The following MLIP variants were observed in gnomAD, a reference collection of about 807,000 sequenced individuals.
MLIP encodes the protein muscular LMNA interacting protein, also known as muscular LMNA-interacting protein.
Under a neutral mutation model 84.8 loss-of-function variants are expected in MLIP, and 79 were observed. The ratio of observed to expected loss-of-function variants is 0.93; its 90% CI spans 0.78 to 1.12. The LOEUF (loss-of-function observed/expected upper bound fraction) is 1.12, where lower values mean the gene tolerates loss of function less well. MLIP is among the 50% of genes most tolerant of loss of function. The pLI, the probability that MLIP is intolerant of heterozygous loss-of-function variation, is 0.00. For missense variants in MLIP, 1,257 were observed against 1,160.6 expected, an observed-to-expected ratio of 1.08 and a Z score of -1.21; for synonymous variants, 504 against 463.0, an observed-to-expected ratio of 1.09 and a Z score of -1.14.
chr6:54,113,857 T>C (rs539840852), intron 1 of MLIP, among the ~76,000 whole-genome samples: 79 of 152,182 alleles, frequency 5.2e-4, no homozygotes, highest in Non-Finnish European at 8.5e-4. Context: ...TCCTTACCTA[T>C]ACAAACTGAA....
chr6:54,102,625 G>C (rs1279838347), intron 1 of MLIP, among the ~76,000 whole-genome samples: 1 of 152,136 alleles, frequency 6.6e-6, no homozygotes, highest in African/African-American at 2.4e-5. Context: ...TTTTGTGACA[G>C]ATCCTGAAAT....
chr6:54,174,488 T>C (rs1776086568), intron 9 of MLIP, among the ~76,000 whole-genome samples: 2 of 152,076 alleles, frequency 1.3e-5, no homozygotes, highest in Admixed American at 1.3e-4. Context: ...TTAGCATTTA[T>C]CTGATGATCA....
At chr6:54,053,487 C>CA (rs1226560680) in intron 1 of MLIP, among the ~76,000 whole-genome samples, 1 of 152,160 alleles carries the variant, frequency 6.6e-6, no homozygotes, top group Non-Finnish European at 1.5e-5. Context: ...CTTACATAGG[C>CA]AGGGACTTGT....
chr6:54,193,832 G>C (rs565880051), intron 10 of MLIP, among the ~76,000 whole-genome samples: 1 of 152,252 alleles, frequency 6.6e-6, no homozygotes, highest in South Asian at 2.1e-4. Flanking sequence ...TTTCCTAGCT[G>C]TTGAGCTGAA....
At chr6:54,060,124 T>C (rs1765885335) in intron 1 of MLIP, among the ~76,000 whole-genome samples, 1 of 149,842 alleles carries the variant, frequency 6.7e-6, no homozygotes, top group Non-Finnish European at 1.5e-5. Flanking sequence ...TTACTATGTG[T>C]CTGGAGAAAT....
At chr6:54,210,262 G>A (rs1779350269) in intron 11 of MLIP, among the ~76,000 whole-genome samples, 1 of 151,908 alleles carries the variant, frequency 6.6e-6, no homozygotes, top group South Asian at 2.1e-4. Context: ...ATTGTTTACA[G>A]TGCTGTATGT....
chr6:54,064,238 G>T (rs1305997833), intron 1 of MLIP, among the ~76,000 whole-genome samples: 2 of 100,112 alleles, frequency 2.0e-5, no homozygotes, highest in African/African-American at 5.1e-5. Flanking sequence ...GTCACCTAGG[G>T]CATGTGATTA....
intron 1 of MLIP, among the ~76,000 whole-genome samples, chr6:54,096,277 A>T (rs1235598577): frequency 6.6e-6 from 1 of 152,164 alleles, no homozygotes; most frequent in Non-Finnish European, 1.5e-5. Context: ...TCAATTGAAG[A>T]GTTCTGTAAG....
At chr6:54,187,889 C>G (rs1777550069) in intron 9 of MLIP, among the ~76,000 whole-genome samples, 1 of 152,156 alleles carries the variant, frequency 6.6e-6, no homozygotes, top group South Asian at 2.1e-4. Flanking sequence ...CGCCTGTACT[C>G]TCAGGTATTC....
chr6:54,021,066 A>G (rs1473811655), intron 1 of MLIP, among the ~76,000 whole-genome samples: 1 of 152,236 alleles, frequency 6.6e-6, no homozygotes, highest in Non-Finnish European at 1.5e-5. Flanking sequence ...AGGGTTTCCA[A>G]TAAAAGTTAT....
At chr6:54,252,930 G>A in intron 12 of MLIP, among the ~76,000 whole-genome samples, 1 of 151,990 alleles carries the variant, frequency 6.6e-6, no homozygotes, top group Admixed American at 6.6e-5. Context: ...TGTCTTTTAG[G>A]CATTCAGTTC....
chr6:54,251,878 TAATATATAATATA>T (rs1199225041), intron 12 of MLIP, among the ~76,000 whole-genome samples: 1 of 71,428 alleles, frequency 1.4e-5, no homozygotes, highest in Non-Finnish European at 2.0e-5. Flanking sequence ...TTATAACATA[TAATATATAATATA>T]AATATATATT....
At position 54,081,709 on chromosome 6, in the gene MLIP, G is replaced by T. The variant is rs376992809; in HGVS notation, c.64-39738G>T. On this transcript the variant is annotated intron_variant, in intron 1 of 12. Coordinates refer to the MLIP transcript ENST00000274897. ...ATTACAGACGTGAGGCACCGCGCCCGGCCAGGGTCCATATGTTTTTATGAG... is the reference window on the plus strand; with the variant it reads ...ATTACAGACGTGAGGCACCGCGCCCTGCCAGGGTCCATATGTTTTTATGAG... Among the ~76,000 whole-genome samples the T allele has an allele frequency of 7.0e-4, 106 of 152,206 alleles. 1 individual carries two copies. Among genetic ancestry groups the T allele is most frequent in the African/African-American group, 2.3e-3 (96 of 41,550 alleles).
At chr6:54,200,388 G>C (rs1001346761) in intron 10 of MLIP, among the ~76,000 whole-genome samples, 2 of 128 alleles carry the variant, frequency 0.016, no homozygotes, top group African/African-American at 0.045. Flanking sequence ...CAGCCTTGTA[G>C]CCCGAGTCCT....
intron 9 of MLIP, among the ~76,000 whole-genome samples, chr6:54,188,022 T>A (rs1232176245): frequency 1.3e-5 from 2 of 152,140 alleles, no homozygotes; most frequent in African/African-American, 4.8e-5. Flanking sequence ...AAAAAATGTA[T>A]ATACATTAAC....
At chr6:54,101,916 A>G (rs1768680571) in intron 1 of MLIP, among the ~76,000 whole-genome samples, 1 of 152,160 alleles carries the variant, frequency 6.6e-6, no homozygotes, top group Non-Finnish European at 1.5e-5. Context: ...ATACAGCCAT[A>G]TTTTGAGAAT....
At chr6:54,251,147 A>C (rs1208395600) in intron 12 of MLIP, among the ~76,000 whole-genome samples, 1 of 151,946 alleles carries the variant, frequency 6.6e-6, no homozygotes, top group Non-Finnish European at 1.5e-5. Context: ...GGACATTTTG[A>C]GTATAGTTAA....
rs532647041 is a variant in MLIP, at chr6:54,170,653, C to T, written c.2544+1081C>T. On this transcript the variant is annotated intron_variant, in intron 9 of 13. Coordinates refer to ENST00000502396, the MANE Select transcript of MLIP (RefSeq NM_001281747.2). ...CTGGGAAAATTACTCACCATTTTAC[C>T]TTTCTGTGCCTTTGTTTCTTCATCT... Among the ~76,000 whole-genome samples the T allele has an allele frequency of 1.1e-4, 16 of 151,652 alleles. No homozygotes were observed. In the South Asian group the frequency reaches 3.3e-3, roughly 31 times the overall value.
intron 11 of MLIP, among the ~76,000 whole-genome samples, chr6:54,223,181 G>C (rs1371201920): frequency 6.6e-6 from 1 of 151,708 alleles, no homozygotes; most frequent in Non-Finnish European, 1.5e-5. Context: ...CCTATATACT[G>C]TAGGTTGCCT....
Sources: allele counts gnomAD v4.1 joint callset (sites outside exome capture counted in the v4.1 genomes callset), GRCh38; gene constraint gnomAD v4.1.1; transcripts MANE v1.5; gene names NCBI Gene and HGNC (gene_info 2026-07-23, HGNC 2026-07-21).